The following WAPL variants were observed in gnomAD, a reference collection of about 807,000 sequenced individuals.
The protein encoded by WAPL is wings apart-like protein homolog.
A neutral mutation model predicts 121.0 loss-of-function variants in WAPL; 5 were observed. The observed-to-expected ratio is 0.04, with a 90% confidence interval of 0.02 to 0.09. The LOEUF (loss-of-function observed/expected upper bound fraction) is 0.09. WAPL is among the 10% of genes least tolerant of loss of function. WAPL has a pLI of 1.00. For missense variants in WAPL, 999 were observed against 1,410.8 expected (o/e 0.71, Z 4.68); for synonymous variants, 480 against 481.5 (o/e 1.00, Z 0.04).
chr10:86,451,871 G>T, intron 15 of WAPL, 96 bp downstream of exon 15: 2 of 1,382,722 alleles, frequency 1.4e-6, no homozygotes, highest in Non-Finnish European at 9.9e-7. Flanking sequence ...AGCAGTGGAT[G>T]GGCAAGAAAA....
chr10:86,462,022 A>G (rs779320380), intron 9 of WAPL, among the ~76,000 whole-genome samples: 11 of 152,208 alleles, frequency 7.2e-5, no homozygotes, highest in Non-Finnish European at 1.5e-4. Flanking sequence ...ACTGTATACA[A>G]ATAATGCTTT....
At chr10:86,443,562 CTT>C (rs538947617) in intron 16 of WAPL, 199 bp from the exon 17 acceptor site, 1 of 484,318 alleles carries the variant, frequency 2.1e-6, no homozygotes. Context: ...AACCATAAAA[CTT>C]TTAGTTAAAA....
intron 12 of WAPL, 44 bp downstream of exon 12, chr10:86,458,945 A>G (rs1300240240): frequency 1.3e-6 from 2 of 1,486,658 alleles, no homozygotes; most frequent in Admixed American, 1.8e-5. Flanking sequence ...AATGTTTAAA[A>G]TAAGTAACAA....
intron 2 of WAPL, among the ~76,000 whole-genome samples, chr10:86,505,456 T>C (rs1321656996): frequency 1.3e-5 from 2 of 151,298 alleles, no homozygotes; most frequent in African/African-American, 4.9e-5. Context: ...CCAGCTAATT[T>C]TTTTATTTTT....
chr10:86,503,978 T>C (rs2132224227), intron 2 of WAPL, among the ~76,000 whole-genome samples: 1 of 151,418 alleles, frequency 6.6e-6, no homozygotes, highest in African/African-American at 2.4e-5. Flanking sequence ...GAGACCAGTG[T>C]GGCCAACATG....
In WAPL at chr10:86,521,657, C is replaced by G. The variant is rs1229926230; in HGVS notation, c.-315G>C. ...AGCCTGCTGTGTGCCCCCGCTGGGC[C>G]GCCGCCGCCTCCTGCGCCGCCGCTT... On this transcript the variant is annotated 5_prime_UTR_variant, in exon 1 of 19. Transcript: ENST00000298767. 1 of 461,682 alleles carries G rather than the reference C, an allele frequency of 2.2e-6. No individual in the cohort carries two copies. The highest frequency in any genetic ancestry group is 4.5e-6 in the Non-Finnish European group (1 of 223,710). The allele number at this position is 461,682 out of a possible 1,614,324, so 28.6% of individuals were successfully genotyped here.
At chr10:86,508,176 T>C (rs1047159472) in intron 2 of WAPL, among the ~76,000 whole-genome samples, 3 of 152,166 alleles carry the variant, frequency 2.0e-5, no homozygotes, top group Non-Finnish European at 4.4e-5. Context: ...TCTCCCACTT[T>C]AAGTAACATC....
chr10:86,500,167 G>A lies in WAPL; in HGVS notation c.1076C>T (p.Thr359Ile). The change falls in exon 3 of 19, where the codon ACT becomes ATT. Residue 359 changes from threonine to isoleucine, a missense_variant. Physicochemically the swap from Thr to Ile is moderately conservative, Grantham distance 89. Coordinates refer to ENST00000298767, the MANE Select transcript of WAPL (RefSeq NM_015045.5). ...TGACAAGCAAGATGGATGTAAAACA[G>A]TGTAATCTCTAGTCCGTCCAACTGT... The part of the protein sequence containing the change: ...RGTVGRTRDY[T>I]VLHPSCLSVC... 6.2e-7 allele frequency: 1 copy of A among 1,614,148 alleles called. No homozygotes were observed. Among genetic ancestry groups the A allele is most frequent in the Non-Finnish European group, 8.5e-7 (1 of 1,180,022 alleles).
chr10:86,471,303 A>G lies in WAPL; in HGVS notation c.2031-200T>C, dbSNP rs149796017. Among the ~76,000 whole-genome samples the G allele has an allele frequency of 1.3e-3, 195 of 152,328 alleles. 1 individual carries two copies. Among genetic ancestry groups the G allele is most frequent in the African/African-American group, 4.2e-3 (174 of 41,580 alleles). ...CCTAGTGCATGATTAGGTACACTGT[A>G]TTTTAAAAAAATAACGTAATTGTCT... is the stretch of plus-strand genomic sequence containing the variant. On this transcript the variant is annotated intron_variant, in intron 7 of 18. Transcript: ENST00000298767.
intron 4 of WAPL, among the ~76,000 whole-genome samples, chr10:86,481,005 G>A (rs184458438): frequency 6.6e-6 from 1 of 152,256 alleles, no homozygotes; most frequent in Admixed American, 6.5e-5. Context: ...TAACTAATTT[G>A]GGATTTCTTT....
Position 86,472,329 on chromosome 10 carries a change from GAAC to G in WAPL, c.1906_1908del (p.Val636del). On this transcript the variant is annotated inframe_deletion, in exon 7 of 19. Coordinates refer to ENST00000298767, the MANE Select transcript of WAPL (RefSeq NM_015045.5). This position sits in a 1 kb window ranked among gnomAD's most constrained non-coding sequence, Gnocchi z 4.2. ...ACATCGTTGAAGTGCTTCACGTGCT[GAAC>G]AACAGTATATAACTGCCAAGAAAAA... The G allele has an allele frequency of 6.3e-7, 1 of 1,597,106 alleles. No individual in the cohort carries two copies. Among genetic ancestry groups the G allele is most frequent in the Non-Finnish European group, 8.5e-7 (1 of 1,176,370 alleles).
At chr10:86,512,483 G>T (rs1218974127) in intron 2 of WAPL, among the ~76,000 whole-genome samples, 1 of 152,184 alleles carries the variant, frequency 6.6e-6, no homozygotes, top group Non-Finnish European at 1.5e-5. Context: ...ATGAGAAATG[G>T]AAGTAGCCTT....
intron 4 of WAPL, among the ~76,000 whole-genome samples, chr10:86,474,188 A>T (rs1312711829): frequency 6.6e-6 from 1 of 152,138 alleles, no homozygotes; most frequent in African/African-American, 2.4e-5. Context: ...TGCTCTGTGC[A>T]ACTATGACTA....
intron 15 of WAPL, among the ~76,000 whole-genome samples, chr10:86,449,187 C>T (rs548433001): frequency 5.8e-4 from 89 of 152,232 alleles, no homozygotes; most frequent in South Asian, 3.3e-3. Flanking sequence ...ACAACATTAT[C>T]GAAAAGATAC....
chr10:86,480,766 T>C (rs1841764386), intron 4 of WAPL, among the ~76,000 whole-genome samples: 1 of 152,242 alleles, frequency 6.6e-6, no homozygotes, highest in African/African-American at 2.4e-5. Flanking sequence ...GACTAAGCTC[T>C]TGCCAATGAA....
At chr10:86,507,401 T>C (rs1345674989) in intron 2 of WAPL, among the ~76,000 whole-genome samples, 1 of 147,362 alleles carries the variant, frequency 6.8e-6, no homozygotes, top group African/African-American at 2.5e-5. Context: ...TAAAGCCCCT[T>C]CTTTTAAGGC....
At chr10:86,494,196 AAATAGTT>A (rs893757306) in intron 4 of WAPL, among the ~76,000 whole-genome samples, 2 of 152,198 alleles carry the variant, frequency 1.3e-5, no homozygotes, top group African/African-American at 4.8e-5. Flanking sequence ...GAAGGAATAA[AAATAGTT>A]AATTTTATTA....
chr10:86,453,181 G>C (rs569854143), intron 14 of WAPL, 39 bp downstream of exon 14: 2 of 1,569,826 alleles, frequency 1.3e-6, no homozygotes, highest in Admixed American at 1.7e-5. Context: ...CACCTTATTA[G>C]ATATGATACT....
At position 86,521,634 on chromosome 10, in the gene WAPL, CCTG is replaced by C; in HGVS notation, c.-295_-293del. The C allele has an allele frequency of 4.3e-6, 2 of 461,000 alleles. No individual in the cohort carries two copies. Among genetic ancestry groups the C allele is most frequent in the Non-Finnish European group, 8.9e-6 (2 of 223,668 alleles). The allele number at this position is 461,000 out of a possible 1,614,324, so 28.6% of individuals were successfully genotyped here. A position where few individuals can be genotyped will look rare whatever the true frequency, so the allele number is the denominator to read the frequency against. ...GCCACTGCTGGAGCTGGTAACAGAG[CCTG>C]CTGTGTGCCCCCGCTGGGCCGCCGC... On this transcript the variant is annotated 5_prime_UTR_variant, in exon 1 of 19. Coordinates refer to ENST00000298767, the MANE Select transcript of WAPL (RefSeq NM_015045.5).
Sources: allele counts gnomAD v4.1 joint callset (sites outside exome capture counted in the v4.1 genomes callset), GRCh38; gene constraint gnomAD v4.1.1; non-coding constraint Gnocchi (gnomAD v3.1); transcripts MANE v1.5; gene names NCBI Gene and HGNC (gene_info 2026-07-23, HGNC 2026-07-21).